SLC13A3: variants seen among roughly 807,000 people sequenced by gnomAD.
SLC13A3 encodes the protein solute carrier family 13 member 3, also known as Na(+)/dicarboxylate cotransporter 3.
A neutral mutation model predicts 59.0 loss-of-function variants in SLC13A3; 40 were observed. The ratio of observed to expected loss-of-function variants is 0.68; its 90% CI spans 0.53 to 0.88. The LOEUF is 0.88. Ranked by LOEUF, SLC13A3 falls within the 40% of genes least tolerant of loss-of-function variation. The pLI is 0.00. For missense variants in SLC13A3, 699 were observed against 783.2 expected, an observed-to-expected ratio of 0.89 and a Z score of 1.28; for synonymous variants, 317 against 330.3, an observed-to-expected ratio of 0.96 and a Z score of 0.44.
At chr20:46,575,063 C>T (rs1200044875) in intron 10 of SLC13A3, among the ~76,000 whole-genome samples, 1 of 152,000 alleles carries the variant, frequency 6.6e-6, no homozygotes, top group East Asian at 1.9e-4. Context: ...ATTGATTAAG[C>T]CCGGCAGGCT....
intron 10 of SLC13A3, among the ~76,000 whole-genome samples, chr20:46,574,814 G>T (rs1189438748): frequency 6.7e-6 from 1 of 148,302 alleles, no homozygotes. Context: ...ATGAGTTAAC[G>T]TGTAAAGCAT....
chr20:46,613,521 A>G lies in SLC13A3; in HGVS notation c.316T>C (p.Trp106Arg). The change falls in exon 2 of 13, where the codon TGG becomes CGG. Residue 106 changes from tryptophan (W) to arginine (R), a missense_variant. Physicochemically the swap from Trp to Arg is moderately radical, Grantham distance 101. Coordinates refer to ENST00000279027, the MANE Select transcript of SLC13A3 (RefSeq NM_022829.6). ...AGGGCGATTCGCCGGTGCAGGTTCC[A>G]CTCCTCAATGGCGCTGGCCATGATC... is the stretch of plus-strand genomic sequence containing the variant. The part of the protein sequence containing the change: ...GLIMASAIEE[W>R]NLHRRIALKI... The G allele has an allele frequency of 6.2e-7, 1 of 1,613,196 alleles. No homozygotes were observed. The highest frequency in any genetic ancestry group is 8.5e-7 in the Non-Finnish European group (1 of 1,179,580).
chr20:46,569,470 C>T (rs1345456622), intron 10 of SLC13A3, among the ~76,000 whole-genome samples: 2 of 152,174 alleles, frequency 1.3e-5, no homozygotes, highest in African/African-American at 2.4e-5. Flanking sequence ...TCTTTTCTAG[C>T]TGTCACTTAA....
chr20:46,623,640 G>C (rs1568942343), intron 1 of SLC13A3, among the ~76,000 whole-genome samples: 1 of 152,218 alleles, frequency 6.6e-6, no homozygotes, highest in Non-Finnish European at 1.5e-5. Flanking sequence ...TCCCAGGGTA[G>C]TGTTGCAGCT....
chr20:46,650,628 C>G (rs1229695222), intron 1 of SLC13A3, among the ~76,000 whole-genome samples: 1 of 152,174 alleles, frequency 6.6e-6, no homozygotes, highest in African/African-American at 2.4e-5. Context: ...ATCATTTCTC[C>G]CATTTTTACA....
At position 46,622,409 on chromosome 20, in the gene SLC13A3, A is replaced by G. The variant is rs1006678659; in HGVS notation, c.112-8684T>C. Reference sequence around the variant, plus strand: ...CAGAGGACAAAGAAAGATAGCAGGGAACAGTTTTCTTAGGAAGAGCTATTT... The same window carrying G: ...CAGAGGACAAAGAAAGATAGCAGGGGACAGTTTTCTTAGGAAGAGCTATTT... On this transcript the variant is annotated intron_variant, in intron 1 of 12. Transcript: ENST00000279027. 3.9e-5 allele frequency among the ~76,000 whole-genome samples: 6 copies of G among 152,310 alleles called. No homozygotes were observed. In the South Asian group the frequency reaches 1.2e-3, roughly 32 times the overall value.
rs145541052 is a variant in SLC13A3 at position 46,621,437 on chromosome 20, C to T, written c.112-7712G>A. On this transcript the variant is annotated intron_variant, in intron 1 of 12. Coordinates refer to ENST00000279027, the MANE Select transcript of SLC13A3 (RefSeq NM_022829.6). Reference sequence around the variant, plus strand: ...ATTAAGTTCCGCAGACTCTTAGTTTCTTAAGGATGGATTAAATAGCTGGTA... The same window carrying T: ...ATTAAGTTCCGCAGACTCTTAGTTTTTTAAGGATGGATTAAATAGCTGGTA... Among the ~76,000 whole-genome samples the T allele has an allele frequency of 7.0e-3, 1,073 of 152,262 alleles. 6 individuals carry two copies. Among genetic ancestry groups the T allele is most frequent in the Non-Finnish European group, 0.013 (851 of 68,004 alleles).
intron 2 of SLC13A3, among the ~76,000 whole-genome samples, chr20:46,612,739 A>G (rs2425879): frequency 0.19 from 28,942 of 152,164 alleles, 2,965 homozygotes; most frequent in East Asian, 0.42. Flanking sequence ...GGTTTATGGA[A>G]CAAAAAATAA....
intron 1 of SLC13A3, among the ~76,000 whole-genome samples, chr20:46,638,507 G>C (rs920215373): frequency 6.6e-6 from 1 of 152,250 alleles, no homozygotes; most frequent in African/African-American, 2.4e-5. Flanking sequence ...GCTGCGGACA[G>C]AGGGGCCGTC....
chr20:46,610,432 T>C lies in SLC13A3; in HGVS notation c.541+14A>G, dbSNP rs770304048. On this transcript the variant is annotated intron_variant, in intron 3 of 12. Transcript: ENST00000279027. The stretch of plus-strand genomic sequence containing the variant: ...CCTGGTGGATTTGGCCCCAATCCCT[T>C]AGCACAGCCTCACCTGTGTTCTCTT... 145 of 1,604,782 alleles carry C rather than the reference T, an allele frequency of 9.0e-5. 1 individual carries two copies. The highest frequency in any genetic ancestry group is 5.0e-4 in the Middle Eastern group (3 of 6,034).
chr20:46,582,860 C>A lies in SLC13A3; in HGVS notation c.1219+712G>T, dbSNP rs990426891. 5 of 985,312 alleles carry A rather than the reference C, an allele frequency of 5.1e-6. No individual in the cohort carries two copies. In the Admixed American group the frequency reaches 2.5e-4, roughly 48 times the overall value. The allele number at this position is 985,312 out of a possible 1,614,324, so 61.0% of individuals were successfully genotyped here. ...GGCGTCACCTTCTGGTAGACATCTGCTGGACACCGGAGGGAGTCGCAAGCT... is the reference window on the plus strand; with the variant it reads ...GGCGTCACCTTCTGGTAGACATCTGATGGACACCGGAGGGAGTCGCAAGCT... On this transcript the variant is annotated intron_variant, in intron 9 of 12. Transcript: ENST00000279027.
intron 9 of SLC13A3, among the ~76,000 whole-genome samples, chr20:46,576,441 T>A (rs376840543): frequency 2.2e-4 from 33 of 152,106 alleles, no homozygotes; most frequent in African/African-American, 7.5e-4. Flanking sequence ...GACAAGTGAC[T>A]TTGCCTCCCT....
intron 10 of SLC13A3, among the ~76,000 whole-genome samples, chr20:46,570,702 T>G (rs992966593): frequency 2.6e-5 from 4 of 152,172 alleles, no homozygotes; most frequent in Admixed American, 6.5e-5. Context: ...AGTTGAAAAA[T>G]CGTATGTCGA....
intron 1 of SLC13A3, among the ~76,000 whole-genome samples, chr20:46,636,862 G>A (rs1419712956): frequency 6.6e-6 from 1 of 150,732 alleles, no homozygotes; most frequent in South Asian, 2.1e-4. Context: ...GTGCACTGGC[G>A]TGATCTCAGC....
intron 2 of SLC13A3, among the ~76,000 whole-genome samples, chr20:46,612,898 C>T (rs1030660983): frequency 6.6e-6 from 1 of 152,200 alleles, no homozygotes; most frequent in Non-Finnish European, 1.5e-5. Context: ...TGCATCCCCC[C>T]ACCTTCAACT....
intron 1 of SLC13A3, among the ~76,000 whole-genome samples, chr20:46,647,337 CA>C (rs779521227): frequency 2.0e-5 from 3 of 152,106 alleles, no homozygotes; most frequent in Non-Finnish European, 4.4e-5. Context: ...AATTTGCTCT[CA>C]GGGGGCATAA....
chr20:46,644,453 C>G (rs1405545095), intron 1 of SLC13A3, among the ~76,000 whole-genome samples: 2 of 151,922 alleles, frequency 1.3e-5, no homozygotes, highest in Non-Finnish European at 2.9e-5. Context: ...TTTTCCAAAT[C>G]AATTTCAAAG....
chr20:46,592,827 A>G (rs1295254227), intron 5 of SLC13A3, among the ~76,000 whole-genome samples: 1 of 152,188 alleles, frequency 6.6e-6, no homozygotes, highest in East Asian at 1.9e-4. Flanking sequence ...GCCATGGTGA[A>G]TTGAAGAGAG....
intron 6 of SLC13A3, among the ~76,000 whole-genome samples, chr20:46,591,854 C>G (rs2062260998): frequency 6.6e-6 from 1 of 152,088 alleles, no homozygotes; most frequent in South Asian, 2.1e-4. Context: ...AACAGAGGGT[C>G]TGTGTGTGGC....
Sources: gnomAD v4.1 joint callset for allele counts (sites outside exome capture counted in the v4.1 genomes callset) on GRCh38, gnomAD v4.1.1 for gene constraint, MANE v1.5 for transcripts, NCBI Gene and HGNC (gene_info 2026-07-23, HGNC 2026-07-21) for gene names.